The following DTNB variants were observed in gnomAD, a reference collection of about 807,000 sequenced individuals.
DTNB encodes the protein dystrobrevin beta, also known as DTN-B.
A neutral mutation model predicts 90.7 loss-of-function variants in DTNB; 63 were observed. The ratio of observed to expected loss-of-function variants is 0.69; its 90% CI spans 0.57 to 0.86. The LOEUF (loss-of-function observed/expected upper bound fraction) is 0.86, where lower values mean the gene tolerates loss of function less well. Among genes scored for constraint, DTNB ranks in the 40% least tolerant of loss-of-function variants. DTNB has a pLI of 0.00. For missense variants in DTNB, 744 were observed against 807.1 expected, an observed-to-expected ratio of 0.92 and a Z score of 0.95; for synonymous variants, 277 against 286.7, an observed-to-expected ratio of 0.97 and a Z score of 0.34.
At chr2:25,545,737 T>C (rs893956700) in intron 8 of DTNB, among the ~76,000 whole-genome samples, 16 of 152,176 alleles carry the variant, frequency 1.1e-4, no homozygotes, top group African/African-American at 3.9e-4. Context: ...TTCTCCTGCC[T>C]CAGCCTCCTG....
chr2:25,467,178 T>C (rs954122552), intron 10 of DTNB, among the ~76,000 whole-genome samples: 11 of 152,342 alleles, frequency 7.2e-5, no homozygotes, highest in Middle Eastern at 6.8e-3. Context: ...TTCATCTCCA[T>C]ATTTGTTATT....
At chr2:25,533,347 A>G (rs1200370499) in intron 8 of DTNB, among the ~76,000 whole-genome samples, 1 of 152,148 alleles carries the variant, frequency 6.6e-6, no homozygotes, top group African/African-American at 2.4e-5. Context: ...AAAGAAAAAC[A>G]TTCTGGGAAA....
chr2:25,648,384 A>C (rs2080004463), intron 2 of DTNB, among the ~76,000 whole-genome samples: 1 of 152,224 alleles, frequency 6.6e-6, no homozygotes, highest in Admixed American at 6.5e-5. Context: ...CGCTGTGTTC[A>C]TAACAGAAAA....
In DTNB at chr2:25,434,013, G is replaced by A. The variant is rs779282350; in HGVS notation, c.1258-18C>T. On this transcript the variant is annotated intron_variant, in intron 12 of 20. Transcript: ENST00000406818. ...GGACGAGTCTAAAGTGGGGAAGTCGGGAGAAAGTTTTTTTTTTTCTGATCC... is the reference window on the plus strand; with the variant it reads ...GGACGAGTCTAAAGTGGGGAAGTCGAGAGAAAGTTTTTTTTTTTCTGATCC... 1 of 1,587,864 alleles carries A rather than the reference G, an allele frequency of 6.3e-7. No individual in the cohort carries two copies. The highest frequency in any genetic ancestry group is 8.5e-7 in the Non-Finnish European group (1 of 1,174,136).
chr2:25,531,635 C>A, intron 8 of DTNB, 38 bp from the exon 9 acceptor site: 4 of 1,574,130 alleles, frequency 2.5e-6, no homozygotes, highest in South Asian at 2.4e-5. Flanking sequence ...ATTAACCCTT[C>A]AAAAGAATGA....
chr2:25,435,964 TTGTATA>T (rs1200064924), intron 12 of DTNB, among the ~76,000 whole-genome samples: 1 of 152,220 alleles, frequency 6.6e-6, no homozygotes, highest in Admixed American at 6.5e-5. Flanking sequence ...TACTGGCCAT[TTGTATA>T]TGTTTTGTGG....
At chr2:25,454,073 C>T (rs962770559) in intron 11 of DTNB, among the ~76,000 whole-genome samples, 1 of 151,716 alleles carries the variant, frequency 6.6e-6, no homozygotes, top group Non-Finnish European at 1.5e-5. Flanking sequence ...TGGCATGAAG[C>T]CGGGAGGCAG....
chr2:25,442,910 C>A (rs2150060515), intron 12 of DTNB, among the ~76,000 whole-genome samples: 1 of 152,288 alleles, frequency 6.6e-6, no homozygotes, highest in South Asian at 2.1e-4. Context: ...AAATATCCAG[C>A]ACAGGGTTAT....
intron 1 of DTNB, among the ~76,000 whole-genome samples, chr2:25,660,475 T>C (rs887443360): frequency 6.6e-6 from 1 of 152,096 alleles, no homozygotes; most frequent in African/African-American, 2.4e-5. Context: ...GAGTACAGGG[T>C]TCTTTTTAGG....
At chr2:25,457,694 G>A (rs533395813) in intron 10 of DTNB, among the ~76,000 whole-genome samples, 8 of 152,036 alleles carry the variant, frequency 5.3e-5, no homozygotes, top group South Asian at 4.2e-4. Flanking sequence ...TCTAGTACAC[G>A]GACTTTGGAA....
chr2:25,416,266 A>T (rs1277562136), intron 16 of DTNB, among the ~76,000 whole-genome samples: 1 of 152,250 alleles, frequency 6.6e-6, no homozygotes, highest in Non-Finnish European at 1.5e-5. Context: ...AAGGGGAATG[A>T]AGCAAGAAGG....
rs2149845074 is a variant in DTNB, at chr2:25,424,015, A to G, written c.1554+3520T>C. Among the ~76,000 whole-genome samples the G allele has an allele frequency of 6.6e-6, 1 of 152,342 alleles. No homozygotes were observed. The highest frequency in any genetic ancestry group is 1.9e-4 in the East Asian group (1 of 5,190). The stretch of plus-strand genomic sequence containing the variant: ...GGGTTGATGAATATATATTTCTAAT[A>G]GTAGGAAAACACTGAAATTTTAACA... On this transcript the variant is annotated intron_variant, in intron 15 of 20. Transcript: ENST00000406818. The surrounding 1 kb of genome is among the most constrained non-coding windows in gnomAD (Gnocchi z 4.1).
chr2:25,667,241 C>T (rs1335470665), intron 1 of DTNB, among the ~76,000 whole-genome samples: 1 of 151,980 alleles, frequency 6.6e-6, no homozygotes. Flanking sequence ...TTAATCCCAA[C>T]ACTTTGGGAG....
At chr2:25,584,415 T>C (rs1250789641) in intron 6 of DTNB, among the ~76,000 whole-genome samples, 1 of 152,198 alleles carries the variant, frequency 6.6e-6, no homozygotes, top group South Asian at 2.1e-4. Flanking sequence ...ATATTAAAGA[T>C]AAGCAAAAAT....
intron 8 of DTNB, among the ~76,000 whole-genome samples, chr2:25,550,811 G>A (rs1390508617): frequency 2.6e-5 from 4 of 152,060 alleles, no homozygotes; most frequent in South Asian, 4.1e-4. Context: ...CACCACACCC[G>A]GCTAATCTTT....
intron 16 of DTNB, chr2:25,419,046 G>T (rs1487862058): frequency 1.3e-5 from 2 of 159,368 alleles, no homozygotes; most frequent in African/African-American, 4.8e-5. Flanking sequence ...CAGTAATTTT[G>T]TTAAGGAGGC....
intron 1 of DTNB, among the ~76,000 whole-genome samples, chr2:25,662,061 C>T (rs1476391215): frequency 6.6e-6 from 1 of 151,506 alleles, no homozygotes; most frequent in Non-Finnish European, 1.5e-5. Flanking sequence ...GAGGCTGAGG[C>T]AGGAGAACTG....
intron 10 of DTNB, 111 bp from the exon 11 acceptor site, chr2:25,455,605 AT>A: frequency 2.3e-6 from 2 of 888,134 alleles, no homozygotes; most frequent in South Asian, 3.5e-5. Context: ...AAAATAATAA[AT>A]CATGATAAGG....
At chr2:25,523,377 C>T (rs532782860) in intron 9 of DTNB, among the ~76,000 whole-genome samples, 6 of 152,290 alleles carry the variant, frequency 3.9e-5, no homozygotes, top group East Asian at 1.9e-4. Flanking sequence ...CAGTGGCTCA[C>T]GCCTGTTATC....
Sources: allele counts gnomAD v4.1 joint callset (sites outside exome capture counted in the v4.1 genomes callset), GRCh38; gene constraint gnomAD v4.1.1; non-coding constraint Gnocchi (gnomAD v3.1); transcripts MANE v1.5; gene names NCBI Gene and HGNC (gene_info 2026-07-23, HGNC 2026-07-21).